The following PARP4 variants were observed in gnomAD, a reference collection of about 807,000 sequenced individuals.
The protein encoded by PARP4 is protein mono-ADP-ribosyltransferase PARP4.
PARP4 carries 120 observed loss-of-function variants against 187.7 expected under a neutral mutation model. The observed-to-expected ratio is 0.64, with a 90% CI of 0.55 to 0.74. PARP4 has a LOEUF of 0.74. Among genes scored for constraint, PARP4 ranks in the 30% least tolerant of loss-of-function variants. The probability of loss-of-function intolerance (pLI) is 0.00; values close to 1 mark genes in which losing one functional copy is unlikely to be tolerated. For missense variants in PARP4, 1,836 were observed against 2,070.5 expected (o/e 0.89, Z 2.20); for synonymous variants, 654 against 740.9 (o/e 0.88, Z 1.90).
At chr13:24,500,403 C>T in intron 3 of PARP4, 21 bp from the exon 4 acceptor site, 1 of 1,544,448 alleles carries the variant, frequency 6.5e-7, no homozygotes, top group Non-Finnish European at 8.9e-7. Context: ...AAGCAAACAG[C>T]ACACTTGTTT....
chr13:24,492,473 A>C lies in PARP4; in HGVS notation c.1001T>G (p.Met334Arg). Residue 334 changes from methionine (M) to arginine (R), a missense_variant, in exon 9 of 34, where the codon ATG (methionine) becomes AGG (arginine). By Grantham distance (91) the Met-to-Arg change is moderately conservative. Transcript: ENST00000381989. ...TAGTCCCAGGTTCACTTCTTTGGGC[A>C]TTGTGCCTTTGTGAGGTATCAGTCT... Reference protein sequence around the residue: ...FYRLIPHKGTMPKEVNLGLLA... With the variant: ...FYRLIPHKGTRPKEVNLGLLA... 1 of 1,614,096 alleles carries C rather than the reference A, an allele frequency of 6.2e-7. No individual in the cohort carries two copies. The highest frequency in any genetic ancestry group is 8.5e-7 in the Non-Finnish European group (1 of 1,179,962).
Position 24,477,852 on chromosome 13 carries a change from A to G in PARP4, c.1638T>C (p.Asp546=). 1 of 1,575,480 alleles carries G rather than the reference A, an allele frequency of 6.3e-7. No individual in the cohort carries two copies. Among genetic ancestry groups the G allele is most frequent in the Non-Finnish European group, 8.6e-7 (1 of 1,163,524 alleles). ...TASVTTDFED[D]EFVVYKTNQV... ...GATTGGTTTTATAGACAACAAATTC[A>G]TCATCCTAGAGCAAACAGAAATCAG... is the stretch of plus-strand genomic sequence containing the variant. The change falls in exon 14 of 34, where the codon GAT becomes GAC. Residue 546 remains aspartate (D), a synonymous_variant. Transcript: ENST00000381989.
chr13:24,508,421 GA>G (rs981383365), intron 1 of PARP4, among the ~76,000 whole-genome samples: 7 of 150,840 alleles, frequency 4.6e-5, no homozygotes, highest in East Asian at 1.9e-4. Context: ...TTGTATAACA[GA>G]AAAAAAAAGA....
intron 15 of PARP4, among the ~76,000 whole-genome samples, chr13:24,472,005 AC>A (rs1872746066): frequency 6.6e-6 from 1 of 152,136 alleles, no homozygotes; most frequent in South Asian, 2.1e-4. Flanking sequence ...AGCCTTACAA[AC>A]TCCGGATCCT....
At chr13:24,430,876 C>A (rs1870300385) in intron 32 of PARP4, among the ~76,000 whole-genome samples, 1 of 152,226 alleles carries the variant, frequency 6.6e-6, no homozygotes, top group Non-Finnish European at 1.5e-5. Flanking sequence ...ATTTCTCAGG[C>A]CTTCGTACAT....
intron 21 of PARP4, among the ~76,000 whole-genome samples, chr13:24,456,026 A>G (rs1194075222): frequency 6.6e-6 from 1 of 152,190 alleles, no homozygotes; most frequent in Non-Finnish European, 1.5e-5. Context: ...TTTTTCCAGT[A>G]TCAGTATTTT....
intron 12 of PARP4, among the ~76,000 whole-genome samples, chr13:24,478,481 G>A (rs867737169): frequency 1.4e-4 from 21 of 151,844 alleles, no homozygotes; most frequent in Admixed American, 2.6e-4. Context: ...TGTTACTCAG[G>A]CTAGGGTGCA....
intron 5 of PARP4, 61 bp downstream of exon 5, chr13:24,499,240 A>G: frequency 2.0e-6 from 3 of 1,483,296 alleles, no homozygotes; most frequent in African/African-American, 1.4e-5. Context: ...AAAAACACCC[A>G]GAAGACATTC....
intron 10 of PARP4, among the ~76,000 whole-genome samples, chr13:24,488,295 G>A (rs1184013028): frequency 6.6e-6 from 1 of 152,182 alleles, no homozygotes; most frequent in Non-Finnish European, 1.5e-5. Context: ...CTAGGGGAGG[G>A]TCAAAAGTCA....
intron 32 of PARP4, 23 bp from the exon 33 acceptor site, chr13:24,426,621 A>G: frequency 6.2e-7 from 1 of 1,603,942 alleles, no homozygotes; most frequent in Non-Finnish European, 8.5e-7. Context: ...AAACTCCGTT[A>G]AGTCTGTTGG....
rs1361539323 is a variant in PARP4 at position 24,501,811 on chromosome 13, A to G, written c.156T>C (p.Asn52=). ...GTTGGTACTGACTCAGAACATCAGC[A>G]TTATCTAAGATTATATGTGTGCACT... is the stretch of plus-strand genomic sequence containing the variant. ...NPQCTHIILD[N]ADVLSQYQLN... is the part of the protein sequence containing the mutation. The change falls in exon 3 of 34, where the codon AAT becomes AAC. Residue 52 remains asparagine, a synonymous_variant. Transcript: ENST00000381989. 6.2e-7 allele frequency: 1 copy of G among 1,610,070 alleles called. No individual in the cohort carries two copies. The highest frequency in any genetic ancestry group is 8.5e-7 in the Non-Finnish European group (1 of 1,176,396).
intron 6 of PARP4, among the ~76,000 whole-genome samples, chr13:24,495,749 G>T (rs1013379260): frequency 2.0e-5 from 3 of 152,318 alleles, no homozygotes; most frequent in African/African-American, 4.8e-5. Context: ...CCCAGATAGG[G>T]GGGCCGCAGG....
At chr13:24,511,600 C>T (rs1870021865) in intron 1 of PARP4, among the ~76,000 whole-genome samples, 1 of 152,204 alleles carries the variant, frequency 6.6e-6, no homozygotes, top group South Asian at 2.1e-4. Flanking sequence ...CTTCCTGCTT[C>T]ACAGGTCTTC....
chr13:24,470,729 G>A (rs1446442105), intron 15 of PARP4, among the ~76,000 whole-genome samples: 3 of 151,618 alleles, frequency 2.0e-5, no homozygotes, highest in Admixed American at 6.6e-5. Flanking sequence ...CAATAATCCA[G>A]GGAAGACACC....
intron 30 of PARP4, among the ~76,000 whole-genome samples, chr13:24,437,713 T>C (rs547664076): frequency 1.3e-5 from 2 of 152,216 alleles, no homozygotes; most frequent in Non-Finnish European, 2.9e-5. Flanking sequence ...TCAGGTATTG[T>C]GGAGCATCCC....
At chr13:24,501,596 C>T (rs766160386) in intron 3 of PARP4, 37 bp downstream of exon 3, 1 of 1,409,702 alleles carries the variant, frequency 7.1e-7, no homozygotes, top group Non-Finnish European at 1.0e-6. Flanking sequence ...TACTATGGCA[C>T]CTATGATACG....
rs1164595400 is a variant in PARP4 at position 24,426,576 on chromosome 13, G to A, written c.4869C>T (p.Leu1623=). 1.2e-6 allele frequency: 2 copies of A among 1,612,524 alleles called. No individual in the cohort carries two copies. Among genetic ancestry groups the A allele is most frequent in the African/African-American group, 2.7e-5 (2 of 74,816 alleles). ...CCAGCATTGTGGCAATTAGGTCCAG[G>A]AGACATTCTCTTCCTTTTACACCTA... ...QSLGVKGREC[L]LDLIATMLVL... The change falls in exon 33 of 34, where the codon CTC becomes CTT. Residue 1623 remains leucine, a synonymous_variant. Coordinates refer to ENST00000381989, the MANE Select transcript of PARP4 (RefSeq NM_006437.4).
chr13:24,443,828 C>G (rs1470611194), intron 27 of PARP4, 98 bp from the exon 28 acceptor site: 8 of 790,280 alleles, frequency 1.0e-5, no homozygotes, highest in Non-Finnish European at 1.8e-5. Flanking sequence ...AATCTGCATA[C>G]AGTAAAATGC....
At chr13:24,452,359 G>T in intron 24 of PARP4, 47 bp downstream of exon 24, 2 of 1,479,190 alleles carry the variant, frequency 1.4e-6, no homozygotes, top group Non-Finnish European at 1.8e-6. Context: ...GCAACAAGAC[G>T]ACCTCCCCGT....
Sources: allele counts gnomAD v4.1 joint callset (sites outside exome capture counted in the v4.1 genomes callset), GRCh38; gene constraint gnomAD v4.1.1; transcripts MANE v1.5; gene names NCBI Gene and HGNC (gene_info 2026-07-23, HGNC 2026-07-21).